Variants in SPG11 observed in about 807,000 individuals in gnomAD.
The protein encoded by SPG11 is spatacsin.
SPG11 carries 222 observed loss-of-function variants against 274.0 expected under a neutral mutation model. The observed-to-expected ratio is 0.81, with a 90% confidence interval of 0.73 to 0.91. SPG11 has a LOEUF of 0.91. Ranked by LOEUF, SPG11 falls within the 40% of genes least tolerant of loss-of-function variation. SPG11 has a pLI of 0.00. For missense variants in SPG11, 3,114 were observed against 2,872.7 expected (o/e 1.08, Z -1.92); for synonymous variants, 1,144 against 1,039.7 (o/e 1.10, Z -1.93).
chr15:44,657,044 T>C, intron 4 of SPG11, 51 bp downstream of exon 4: 1 of 1,521,632 alleles, frequency 6.6e-7, no homozygotes, highest in Non-Finnish European at 9.0e-7. Flanking sequence ...TTTTAACCTC[T>C]TATCAGTCTA....
chr15:44,595,209 G>A, intron 26 of SPG11, 50 bp downstream of exon 26: 1 of 1,554,984 alleles, frequency 6.4e-7, no homozygotes, highest in South Asian at 1.1e-5. Context: ...GAAGGGATAT[G>A]CTGAAGTAAT....
intron 30 of SPG11, among the ~76,000 whole-genome samples, chr15:44,581,891 AAAATT>A (rs1236086484): frequency 2.4e-4 from 36 of 152,328 alleles, no homozygotes; most frequent in Admixed American, 2.0e-3. Context: ...CTAAAAAAAT[AAAATT>A]AAACTATACA....
intron 30 of SPG11, among the ~76,000 whole-genome samples, chr15:44,581,519 A>G (rs1005069163): frequency 1.3e-5 from 2 of 151,626 alleles, no homozygotes; most frequent in Non-Finnish European, 2.9e-5. Flanking sequence ...AAAATAACTA[A>G]TTTTCTATAT....
In SPG11 at chr15:44,596,104, A is replaced by C. The variant is rs1308576264; in HGVS notation, c.4413T>G (p.Ser1471Arg). ...TCACCTGGAGACATGAGGCCAGAACACTGAGGATAGGGGCCTGTTGTTTCA... is the reference window on the plus strand; with the variant it reads ...TCACCTGGAGACATGAGGCCAGAACCCTGAGGATAGGGGCCTGTTGTTTCA... Reference protein sequence around the residue: ...EAVKQQAPILSVLASCLQGAS... With the variant: ...EAVKQQAPILRVLASCLQGAS... The change falls in exon 25 of 40, where the codon AGT (serine) becomes AGG (arginine). Residue 1471 changes from serine to arginine, a missense_variant. Physicochemically the swap from Ser to Arg is moderately radical, Grantham distance 110. Coordinates refer to ENST00000261866, the MANE Select transcript of SPG11 (RefSeq NM_025137.4). The C allele has an allele frequency of 1.9e-6, 3 of 1,613,694 alleles. No individual in the cohort carries two copies. Among genetic ancestry groups the C allele is most frequent in the Non-Finnish European group, 2.5e-6 (3 of 1,180,030 alleles).
At position 44,622,743 on chromosome 15, in the gene SPG11, A is replaced by G. The variant is rs751121188; in HGVS notation, c.2301T>C (p.Asn767=). 39 of 1,613,122 alleles carry G rather than the reference A, an allele frequency of 2.4e-5. No homozygotes were observed. Among genetic ancestry groups the G allele is most frequent in the Admixed American group, 3.3e-5 (2 of 60,004 alleles). ...CTTTACCTACCAAAAAGTCACGTATATTTTTATTAGTTGTATAGAAGCAGA... is the reference window on the plus strand; with the variant it reads ...CTTTACCTACCAAAAAGTCACGTATGTTTTTATTAGTTGTATAGAAGCAGA... ...LKICFYTTNK[N]IRDFLVEILK... is the part of the protein sequence containing the mutation. Residue 767 remains asparagine (N), a synonymous_variant, in exon 12 of 40, where the codon AAT becomes AAC. Transcript: ENST00000261866.
At chr15:44,567,843 C>G (rs557731186) in intron 35 of SPG11, among the ~76,000 whole-genome samples, 46 of 152,294 alleles carry the variant, frequency 3.0e-4, no homozygotes, top group Admixed American at 2.2e-3. Flanking sequence ...ATAAGCTGAT[C>G]TAACAATTCC....
chr15:44,581,122 C>T (rs1286129113), intron 30 of SPG11, among the ~76,000 whole-genome samples: 1 of 152,148 alleles, frequency 6.6e-6, no homozygotes, highest in East Asian at 1.9e-4. Flanking sequence ...AACAATGATT[C>T]AACTGACTGC....
intron 18 of SPG11, 91 bp downstream of exon 18, chr15:44,610,749 A>C (rs2083439081): frequency 8.0e-7 from 1 of 1,244,948 alleles, no homozygotes; most frequent in African/African-American, 1.5e-5. Flanking sequence ...ATATAGTTAT[A>C]TTTTAATATC....
intron 33 of SPG11, among the ~76,000 whole-genome samples, chr15:44,572,176 A>G (rs575283115): frequency 6.6e-6 from 1 of 152,282 alleles, no homozygotes; most frequent in Non-Finnish European, 1.5e-5. Context: ...TGCCATGAAA[A>G]ATGTTAATGA....
In SPG11 at chr15:44,601,554, CTTCT is replaced by C. The variant is rs200704297; in HGVS notation, c.3521-926_3521-923del. 1.5e-4 allele frequency among the ~76,000 whole-genome samples: 20 copies of C among 136,464 alleles called. 1 individual carries two copies. Among genetic ancestry groups the C allele is most frequent in the East Asian group, 1.2e-3 (4 of 3,292 alleles). The allele number at this position is 136,464 out of a possible 152,430, so 89.5% of individuals were successfully genotyped here. ...AGGATTACATGCGTGCGCCCAGCCTCTTCTTTTTTTTTTTTTTTTTTTAAATAGA... is the reference window on the plus strand; with the variant it reads ...AGGATTACATGCGTGCGCCCAGCCTCTTTTTTTTTTTTTTTTTTAAATAGA... On this transcript the variant is annotated intron_variant, in intron 20 of 39. Coordinates refer to ENST00000261866, the MANE Select transcript of SPG11 (RefSeq NM_025137.4).
At chr15:44,625,488 G>C (rs188390813) in intron 11 of SPG11, among the ~76,000 whole-genome samples, 3 of 152,036 alleles carry the variant, frequency 2.0e-5, no homozygotes, top group Non-Finnish European at 2.9e-5. Context: ...AAAGTGTGTA[G>C]CACCTCCCCA....
Position 44,566,451 on chromosome 15 carries a change from G to C in SPG11, c.6755-146C>G, listed in dbSNP as rs1014921706. ...ACACCTCACTCAGATAAAGGTTATTGGGCCAGAAATGCATACGCTTATTGT... is the reference window on the plus strand; with the variant it reads ...ACACCTCACTCAGATAAAGGTTATTCGGCCAGAAATGCATACGCTTATTGT... On this transcript the variant is annotated intron_variant, in intron 36 of 39. Transcript: ENST00000261866. 1.7e-5 allele frequency: 14 copies of C among 800,946 alleles called. No individual in the cohort carries two copies. In the African/African-American group the frequency reaches 2.2e-4, roughly 13 times the overall value. 49.6% of individuals were successfully genotyped at this position (800,946 alleles called of 1,614,324 possible). A position where few individuals can be genotyped will look rare whatever the true frequency, so the allele number is the denominator to read the frequency against.
Position 44,643,369 on chromosome 15 carries a change from T to C in SPG11, c.1602+5497A>G, listed in dbSNP as rs557419906. On this transcript the variant is annotated intron_variant, in intron 7 of 39. Coordinates refer to ENST00000261866, the MANE Select transcript of SPG11 (RefSeq NM_025137.4). ...CACCCAAATAGTAAACATGATTACT[T>C]CTGGATGGTAGATTTACAGAAGACT... 5.3e-4 allele frequency among the ~76,000 whole-genome samples: 81 copies of C among 152,254 alleles called. 1 individual carries two copies. Among genetic ancestry groups the C allele is most frequent in the African/African-American group, 1.9e-3 (77 of 41,558 alleles).
intron 7 of SPG11, among the ~76,000 whole-genome samples, chr15:44,639,361 G>C (rs945901604): frequency 2.0e-5 from 3 of 151,774 alleles, no homozygotes; most frequent in Non-Finnish European, 4.4e-5. Flanking sequence ...ATAAGGCAAA[G>C]ATTACTTCTG....
chr15:44,610,441 G>A (rs182293984), intron 18 of SPG11, among the ~76,000 whole-genome samples: 15 of 152,242 alleles, frequency 9.9e-5, no homozygotes, highest in African/African-American at 3.6e-4. Flanking sequence ...GGAGTGCAGT[G>A]GTACAATCTC....
chr15:44,647,582 A>T (rs750774354), intron 7 of SPG11, among the ~76,000 whole-genome samples: 1 of 152,252 alleles, frequency 6.6e-6, no homozygotes, highest in Non-Finnish European at 1.5e-5. Context: ...ATATTCAGCC[A>T]TAAAAAGGAA....
rs1203470440 is a variant in SPG11 at position 44,633,586 on chromosome 15, T to C, written c.1654A>G (p.Lys552Glu). 3 of 1,613,398 alleles carry C rather than the reference T, an allele frequency of 1.9e-6. No homozygotes were observed. The African/African-American group carries it at 4.0e-5, about 22-fold the overall frequency. Residue 552 changes from lysine to glutamate, a missense_variant, in exon 8 of 40, where the codon AAG (lysine) becomes GAG (glutamate). Transcript: ENST00000261866. ...LDTVNFFLKSKENLFNPSSKS... is the reference protein window; with the variant it reads ...LDTVNFFLKSEENLFNPSSKS... Reference sequence around the variant, plus strand: ...GAGGATGGATTAAAAAGATTTTCCTTGCTCTTCAAAAAGAAATTTACTGTG... The same window carrying C: ...GAGGATGGATTAAAAAGATTTTCCTCGCTCTTCAAAAAGAAATTTACTGTG...
In SPG11 at chr15:44,660,454, C is replaced by T. The variant is rs1048849923; in HGVS notation, c.420G>A (p.Lys140=). The T allele has an allele frequency of 1.2e-6, 2 of 1,613,946 alleles. No homozygotes were observed. The highest frequency in any genetic ancestry group is 1.3e-5 in the African/African-American group (1 of 75,028). ...LYSCSREALQ[K]LIDDQDISIS... ...TACTGATATCTTGATCGTCAATGAG[C>T]TTTTGCAATGCCTCCCTACTACAGC... is the stretch of plus-strand genomic sequence containing the variant. The change falls in exon 2 of 40, where the codon AAG becomes AAA. Residue 140 remains lysine (K), a synonymous_variant. Transcript: ENST00000261866.
chr15:44,648,974 T>G lies in SPG11; in HGVS notation c.1494A>C (p.Gln498His), dbSNP rs760202776. The change falls in exon 7 of 40, where the codon CAA becomes CAC. Residue 498 changes from glutamine to histidine, a missense_variant. Coordinates refer to ENST00000261866, the MANE Select transcript of SPG11 (RefSeq NM_025137.4). ...GLSLILFGLT[Q>H]EEFLNRLMIH... ...TCATGAGTCTGTTTAAAAACTCTTC[T>G]TGAGTCAAACCAAACAAAATCAGAG... The G allele has an allele frequency of 2.5e-6, 4 of 1,614,022 alleles. No individual in the cohort carries two copies. The highest frequency in any genetic ancestry group is 3.4e-6 in the Non-Finnish European group (4 of 1,179,914).
Sources: allele counts gnomAD v4.1 joint callset (sites outside exome capture counted in the v4.1 genomes callset), GRCh38; gene constraint gnomAD v4.1.1; transcripts MANE v1.5; gene names NCBI Gene and HGNC (gene_info 2026-07-23, HGNC 2026-07-21).